Variants in NFIA observed in about 807,000 individuals in gnomAD.
NFIA encodes the protein nuclear factor 1 A-type.
Under a neutral mutation model 62.8 loss-of-function variants are expected in NFIA, and 8 were observed. That is an observed-to-expected ratio of 0.13 (90% CI 0.07 to 0.23). NFIA has a LOEUF of 0.23. Among genes scored for constraint, NFIA ranks in the 10% least tolerant of loss-of-function variants. NFIA has a pLI of 1.00. For missense variants in NFIA, 410 were observed against 642.1 expected, an observed-to-expected ratio of 0.64 and a Z score of 3.91; for synonymous variants, 235 against 238.1, an observed-to-expected ratio of 0.99 and a Z score of 0.12.
intron 5 of NFIA, among the ~76,000 whole-genome samples, chr1:61,357,246 C>G (rs11207727): frequency 0.01 from 1,576 of 152,274 alleles, 26 homozygotes; most frequent in African/African-American, 0.036. Context: ...ATCTGATAAC[C>G]TGTGTGACAT....
intron 10 of NFIA, among the ~76,000 whole-genome samples, chr1:61,440,352 C>T (rs1667519230): frequency 6.6e-6 from 1 of 152,152 alleles, no homozygotes; most frequent in Non-Finnish European, 1.5e-5. Context: ...TTAAATTACT[C>T]TGCTGTTCTG....
intron 2 of NFIA, among the ~76,000 whole-genome samples, chr1:61,175,601 A>G (rs1421237035): frequency 6.6e-6 from 1 of 152,234 alleles, no homozygotes; most frequent in Non-Finnish European, 1.5e-5. Flanking sequence ...AGGTCCTCAA[A>G]AAAGGCAGTA....
At chr1:61,364,402 C>T (rs552656228) in intron 6 of NFIA, among the ~76,000 whole-genome samples, 3 of 152,172 alleles carry the variant, frequency 2.0e-5, no homozygotes, top group East Asian at 1.9e-4. Flanking sequence ...ATGAATGAAG[C>T]GATAAAGCAG....
At chr1:61,271,768 T>C (rs1455479159) in intron 2 of NFIA, among the ~76,000 whole-genome samples, 2 of 152,220 alleles carry the variant, frequency 1.3e-5, no homozygotes, top group Non-Finnish European at 2.9e-5. Context: ...CTGCATACAT[T>C]AATTACTGCA....
intron 6 of NFIA, among the ~76,000 whole-genome samples, chr1:61,359,736 G>A (rs540643044): frequency 5.9e-5 from 9 of 151,804 alleles, no homozygotes; most frequent in East Asian, 1.9e-4. Flanking sequence ...CTGCCACCAC[G>A]CCTGGCTAAT....
At chr1:61,376,945 G>A (rs72666658) in intron 6 of NFIA, among the ~76,000 whole-genome samples, 15,406 of 152,094 alleles carry the variant, frequency 0.1, 859 homozygotes, top group Middle Eastern at 0.14. Flanking sequence ...GGATGGACAC[G>A]GTGGCTTATG....
intron 2 of NFIA, among the ~76,000 whole-genome samples, chr1:61,105,732 T>C (rs1408238200): frequency 6.6e-6 from 1 of 151,944 alleles, no homozygotes; most frequent in Admixed American, 6.6e-5. Flanking sequence ...GAGAGAAGAT[T>C]ATTTCCATTA....
At chr1:61,438,803 G>A (rs1040231900) in intron 10 of NFIA, among the ~76,000 whole-genome samples, 2 of 152,106 alleles carry the variant, frequency 1.3e-5, no homozygotes, top group African/African-American at 2.4e-5. Flanking sequence ...CACAGTTTCT[G>A]AATGTTTATT....
intron 2 of NFIA, among the ~76,000 whole-genome samples, chr1:61,105,115 T>C (rs1300796920): frequency 1.3e-5 from 2 of 151,994 alleles, no homozygotes; most frequent in Non-Finnish European, 2.9e-5. Flanking sequence ...TAGGGGATTG[T>C]GTGTATTTTC....
At chr1:61,395,485 A>G (rs1439215354) in intron 7 of NFIA, among the ~76,000 whole-genome samples, 5 of 151,954 alleles carry the variant, frequency 3.3e-5, no homozygotes, top group Admixed American at 2.0e-4. Context: ...GAATCATCCA[A>G]TCTATGGTGG....
At chr1:61,204,723 G>A (rs10493305) in intron 2 of NFIA, among the ~76,000 whole-genome samples, 8,419 of 152,184 alleles carry the variant, frequency 0.055, 787 homozygotes, top group African/African-American at 0.19. Context: ...CTGGAGATTG[G>A]ACATTGACCT....
At chr1:61,434,704 G>A (rs533451670) in intron 10 of NFIA, among the ~76,000 whole-genome samples, 23 of 152,124 alleles carry the variant, frequency 1.5e-4, no homozygotes, top group Non-Finnish European at 3.1e-4. Context: ...TAATAATTAA[G>A]GTCTCTGCCA....
rs143796767 is a variant in NFIA at position 61,252,346 on chromosome 1, C to T, written c.560-25174C>T. Among the ~76,000 whole-genome samples, 258 of 152,262 alleles carry T rather than the reference C, an allele frequency of 1.7e-3. 1 individual carries two copies. Among genetic ancestry groups the T allele is most frequent in the South Asian group, 0.01 (50 of 4,828 alleles). ...GCTTACCACGTCAGTTGTGTTATTCCGGACCTGTTTATACTAGTCTTATTT... is the reference window on the plus strand; with the variant it reads ...GCTTACCACGTCAGTTGTGTTATTCTGGACCTGTTTATACTAGTCTTATTT... On this transcript the variant is annotated intron_variant, in intron 2 of 10. Coordinates refer to ENST00000403491, the MANE Select transcript of NFIA (RefSeq NM_001134673.4).
chr1:61,319,547 C>T (rs1038262223), intron 3 of NFIA, among the ~76,000 whole-genome samples: 3 of 151,884 alleles, frequency 2.0e-5, no homozygotes, highest in African/African-American at 4.8e-5. Flanking sequence ...TGTCTGTTTG[C>T]GAGTGACAGA....
intron 5 of NFIA, among the ~76,000 whole-genome samples, chr1:61,356,322 T>C (rs1662952825): frequency 6.6e-6 from 1 of 152,214 alleles, no homozygotes; most frequent in African/African-American, 2.4e-5. Context: ...ATGTTTATTT[T>C]TTTCTAACAT....
intron 2 of NFIA, among the ~76,000 whole-genome samples, chr1:61,197,025 G>C (rs2100583457): frequency 6.6e-6 from 1 of 151,942 alleles, no homozygotes; most frequent in East Asian, 1.9e-4. Flanking sequence ...TCAAGTTGAT[G>C]AATTTTGAAT....
At chr1:61,326,510 A>ATTCACTCTG (rs1471446820) in intron 3 of NFIA, among the ~76,000 whole-genome samples, 1 of 148,006 alleles carries the variant, frequency 6.8e-6, no homozygotes, top group Non-Finnish European at 1.5e-5. Context: ...TTTGAGTTTC[A>ATTCACTCTG]TTCACTCTGA....
intron 2 of NFIA, among the ~76,000 whole-genome samples, chr1:61,151,847 C>G (rs334703): frequency 0.93 from 140,913 of 152,124 alleles, 65,444 homozygotes; most frequent in Middle Eastern, 0.97. Context: ...AGGGCGGATG[C>G]TGATAGTGCT....
chr1:61,277,393 C>T, intron 2 of NFIA, 127 bp from the exon 3 acceptor site: 1 of 799,136 alleles, frequency 1.3e-6, no homozygotes, highest in Admixed American at 2.4e-5. Context: ...TTTTTCATGT[C>T]TCATGTCATT....
Sources: allele counts gnomAD v4.1 joint callset (sites outside exome capture counted in the v4.1 genomes callset), GRCh38; gene constraint gnomAD v4.1.1; transcripts MANE v1.5; gene names NCBI Gene and HGNC (gene_info 2026-07-23, HGNC 2026-07-21).